PCDHGA6: variants seen among roughly 807,000 people sequenced by gnomAD.
PCDHGA6 encodes protocadherin gamma subfamily A, 6, also known as protocadherin gamma-A6.
PCDHGA6 carries 41 observed loss-of-function variants against 60.6 expected under a neutral mutation model. The observed-to-expected ratio is 0.68, with a 90% CI of 0.53 to 0.88. PCDHGA6 has a LOEUF of 0.88. PCDHGA6 is among the 40% of genes least tolerant of loss of function. The probability of loss-of-function intolerance (pLI) is 0.00; values close to 1 mark genes in which losing one functional copy is unlikely to be tolerated. For missense variants in PCDHGA6, 1,312 were observed against 1,203.0 expected, an observed-to-expected ratio of 1.09 and a Z score of -1.34; for synonymous variants, 594 against 524.4, an observed-to-expected ratio of 1.13 and a Z score of -1.81.
chr5:141,419,402 T>G (rs2096376244), intron 1 of PCDHGA6: 1 of 1,613,378 alleles, frequency 6.2e-7, no homozygotes, highest in African/African-American at 1.3e-5. Flanking sequence ...CGGGGTGGTG[T>G]TCGCGCAGCG....
rs1457765340 is a variant in PCDHGA6 at position 141,491,122 on chromosome 5, G to GT, written c.2425-3684dup. 1 of 1,614,058 alleles carries GT rather than the reference G, an allele frequency of 6.2e-7. No homozygotes were observed. Among genetic ancestry groups the GT allele is most frequent in the Non-Finnish European group, 8.5e-7 (1 of 1,180,036 alleles). Reference sequence around the variant, plus strand: ...CCTCGTGTCTACACACACTGGTGAGGTGCGCACAGCCCGGGCCTTACTGGA... The same window carrying GT: ...CCTCGTGTCTACACACACTGGTGAGGTTGCGCACAGCCCGGGCCTTACTGGA... On this transcript the variant is annotated intron_variant, in intron 1 of 3. Coordinates refer to ENST00000517434, the MANE Select transcript of PCDHGA6 (RefSeq NM_018919.3). The surrounding 1 kb of genome is among the most constrained non-coding windows in gnomAD (Gnocchi z 6.9).
rs746357528 is a variant in PCDHGA6, at chr5:141,375,442, C to G, written c.1359C>G (p.Pro453=). 3.1e-6 allele frequency: 5 copies of G among 1,614,034 alleles called. No homozygotes were observed. In the South Asian group the frequency reaches 3.3e-5, roughly 11 times the overall value. Residue 453 remains proline (P), a synonymous_variant, in exon 1 of 4, where the codon CCC becomes CCG. Coordinates refer to ENST00000517434, the MANE Select transcript of PCDHGA6 (RefSeq NM_018919.3). ...ADTNDNPPTF[P]HSSYSVYVLE... is the part of the protein sequence containing the mutation. ...CCAACGACAACCCGCCCACCTTCCC[C>G]CATTCATCCTACTCAGTCTATGTCC... is the stretch of plus-strand genomic sequence containing the variant.
intron 1 of PCDHGA6, among the ~76,000 whole-genome samples, chr5:141,450,112 T>G (rs2098669735): frequency 6.6e-6 from 1 of 150,618 alleles, no homozygotes; most frequent in Non-Finnish European, 1.5e-5. Context: ...GTTCAAATGA[T>G]TCTCCTGCCT....
intron 1 of PCDHGA6, chr5:141,418,797 A>T (rs201246978): frequency 1.9e-6 from 3 of 1,613,896 alleles, no homozygotes; most frequent in Non-Finnish European, 2.5e-6. Flanking sequence ...GAAGAAGTAG[A>T]AAGATATACG....
chr5:141,408,973 T>C (rs754120948), intron 1 of PCDHGA6: 8 of 1,613,718 alleles, frequency 5.0e-6, no homozygotes, highest in South Asian at 1.1e-5. Context: ...ATCTGCCCCC[T>C]GGGTCCCCTG....
At chr5:141,475,871 A>G (rs568810142) in intron 1 of PCDHGA6, 17 of 513,152 alleles carry the variant, frequency 3.3e-5, no homozygotes, top group Middle Eastern at 5.1e-4. Context: ...TTCTTCGTGC[A>G]GTTATTGGCT....
intron 1 of PCDHGA6, chr5:141,394,696 C>A: frequency 6.2e-7 from 1 of 1,613,046 alleles, no homozygotes; most frequent in Non-Finnish European, 8.5e-7. Flanking sequence ...GAGGTGCGCA[C>A]GGCGCGAGCC....
intron 1 of PCDHGA6, among the ~76,000 whole-genome samples, chr5:141,406,686 T>G (rs918855962): frequency 1.3e-5 from 2 of 152,244 alleles, no homozygotes; most frequent in African/African-American, 4.8e-5. Flanking sequence ...TAGGACATTC[T>G]TCTTTTCTAT....
At chr5:141,384,205 ACT>A (rs1561601043) in intron 1 of PCDHGA6, 2 of 1,613,874 alleles carry the variant, frequency 1.2e-6, no homozygotes, top group East Asian at 2.2e-5. Context: ...GTCCAGGGAA[ACT>A]CACATATTCA....
chr5:141,474,961 AATC>A (rs2099357151), intron 1 of PCDHGA6, among the ~76,000 whole-genome samples: 1 of 152,254 alleles, frequency 6.6e-6, no homozygotes, highest in African/African-American at 2.4e-5. Flanking sequence ...TCACTATCCT[AATC>A]ATTATAATTT....
intron 1 of PCDHGA6, among the ~76,000 whole-genome samples, chr5:141,406,087 T>TA (rs113984376): frequency 6.7e-6 from 1 of 148,544 alleles, no homozygotes; most frequent in African/African-American, 2.5e-5. Flanking sequence ...TTTTTTTTTT[T>TA]AAGAGATGGG....
At chr5:141,389,061 T>C in intron 1 of PCDHGA6, 1 of 1,614,022 alleles carries the variant, frequency 6.2e-7, no homozygotes, top group Non-Finnish European at 8.5e-7. Context: ...ATTTAAAATA[T>C]TAACTTCTTC....
rs749095017 is a variant in PCDHGA6, at chr5:141,489,455, G to A, written c.2425-5352G>A. 1 of 1,614,042 alleles carries A rather than the reference G, an allele frequency of 6.2e-7. No homozygotes were observed. ...CTGCAATTGGGCTCTGAGGAGAATGGGCGCTATTTTTCCCTGAGCTTGATG... is the reference window on the plus strand; with the variant it reads ...CTGCAATTGGGCTCTGAGGAGAATGAGCGCTATTTTTCCCTGAGCTTGATG... On this transcript the variant is annotated intron_variant, in intron 1 of 3. Coordinates refer to ENST00000517434, the MANE Select transcript of PCDHGA6 (RefSeq NM_018919.3). This position sits in a 1 kb window ranked among gnomAD's most constrained non-coding sequence, Gnocchi z 4.5.
In PCDHGA6 at chr5:141,376,511, A is replaced by T. The variant is rs1772759246; in HGVS notation, c.2424+4A>T. 1 of 1,613,966 alleles carries T rather than the reference A, an allele frequency of 6.2e-7. No individual in the cohort carries two copies. Among genetic ancestry groups the T allele is most frequent in the Non-Finnish European group, 8.5e-7 (1 of 1,179,904 alleles). Reference sequence around the variant, plus strand: ...AGGAGAACCCAGGCAACTTCAGGTGAGTTTCTTTCCGCCTAAGCGGGAAGA... The same window carrying T: ...AGGAGAACCCAGGCAACTTCAGGTGTGTTTCTTTCCGCCTAAGCGGGAAGA... On this transcript the variant is annotated splice_donor_region_variant and intron_variant, in intron 1 of 3. Transcript: ENST00000517434.
chr5:141,445,975 G>A (rs1279186740), intron 1 of PCDHGA6, among the ~76,000 whole-genome samples: 1 of 152,124 alleles, frequency 6.6e-6, no homozygotes, highest in Non-Finnish European at 1.5e-5. Flanking sequence ...TGATTTATGA[G>A]GGTTATAAAT....
intron 1 of PCDHGA6, chr5:141,400,082 C>A: frequency 1.2e-6 from 2 of 1,614,016 alleles, no homozygotes; most frequent in Non-Finnish European, 1.7e-6. Flanking sequence ...CCACTCTCCG[C>A]CACCGCCACG....
At chr5:141,409,988 GCCGACT>G in intron 1 of PCDHGA6, 1 of 1,613,278 alleles carries the variant, frequency 6.2e-7, no homozygotes, top group East Asian at 2.2e-5. Context: ...AGCGGTGGAC[GCCGACT>G]CGGGACACAA....
At chr5:141,384,283 G>T (rs762515266) in intron 1 of PCDHGA6, 17 of 1,613,644 alleles carry the variant, frequency 1.1e-5, no homozygotes, top group Admixed American at 1.7e-5. Flanking sequence ...AGTCTACATC[G>T]CTGAGAACAA....
intron 1 of PCDHGA6, chr5:141,430,662 C>A: frequency 8.6e-7 from 1 of 1,169,068 alleles, no homozygotes; most frequent in Non-Finnish European, 1.2e-6. Context: ...AACGGAGGAG[C>A]TCTGACTTCC....
Sources: allele counts gnomAD v4.1 joint callset (sites outside exome capture counted in the v4.1 genomes callset), GRCh38; gene constraint gnomAD v4.1.1; non-coding constraint Gnocchi (gnomAD v3.1); transcripts MANE v1.5; gene names NCBI Gene and HGNC (gene_info 2026-07-23, HGNC 2026-07-21).